Variants in P2RX2 observed in about 807,000 individuals in gnomAD.
The protein encoded by P2RX2 is purinergic receptor P2X 2, also known as P2X purinoceptor 2.
In P2RX2, 50 loss-of-function variants were observed where a neutral mutation model predicts 54.8. The ratio of observed to expected loss-of-function variants is 0.91; its 90% confidence interval spans 0.73 to 1.15. The LOEUF is 1.15. Ranked by LOEUF, P2RX2 falls within the 50% of genes most tolerant of loss-of-function variation. The pLI is 0.00. For missense variants in P2RX2, 658 were observed against 633.2 expected, an observed-to-expected ratio of 1.04 and a Z score of -0.42; for synonymous variants, 289 against 259.4, an observed-to-expected ratio of 1.11 and a Z score of -1.09.
intron 7 of P2RX2, 121 bp from the exon 8 acceptor site, chr12:132,620,880 G>T: frequency 1.3e-6 from 1 of 775,942 alleles, no homozygotes. Context: ...GACTGACCCG[G>T]GCTCTCGAGG....
In P2RX2 at chr12:132,619,454, G is replaced by A. The variant is rs1566290976; in HGVS notation, c.189G>A (p.Val63=). ...LLYFVWYVFI[V]QKSYQESETG... Reference sequence around the variant, plus strand: ...CTGCCCGCAGGTACGTATTCATCGTGCAGAAAAGCTACCAGGAGAGCGAGA... The same window carrying A: ...CTGCCCGCAGGTACGTATTCATCGTACAGAAAAGCTACCAGGAGAGCGAGA... Residue 63 remains valine (V), a synonymous_variant, in exon 2 of 11, where the codon GTG becomes GTA. Coordinates refer to ENST00000643471, the MANE Select transcript of P2RX2 (RefSeq NM_170682.4). 1 of 1,612,300 alleles carries A rather than the reference G, an allele frequency of 6.2e-7. No homozygotes were observed.
Position 132,620,894 on chromosome 12 carries a change from CTCTCGTGTGCCCTTGTG to C in P2RX2, c.775-106_775-90del, listed in dbSNP as rs2138381957. ...GGACTGACCCGGGCTCTCGAGGGGC[CTCTCGTGTGCCCTTGTG>C]ACCCCCTTCCCTGGCCTGGGACTGA... On this transcript the variant is annotated intron_variant, in intron 7 of 10. Transcript: ENST00000643471. The C allele has an allele frequency of 1.2e-5, 8 of 661,486 alleles. 1 individual carries two copies. The highest frequency in any genetic ancestry group is 4.6e-4 in the Middle Eastern group (1 of 2,166). The allele number at this position is 661,486 out of a possible 1,614,324, so 41.0% of individuals were successfully genotyped here.
In P2RX2 at chr12:132,622,065, A is replaced by G. The variant is rs956430557; in HGVS notation, c.*93A>G. On this transcript the variant is annotated 3_prime_UTR_variant, in exon 11 of 11. Coordinates refer to ENST00000643471, the MANE Select transcript of P2RX2 (RefSeq NM_170682.4). ...TGCACGTGGACGTGGGCACCTCAGTAGCGGAGCATCTCCACGAAACGGGGC... is the reference window on the plus strand; with the variant it reads ...TGCACGTGGACGTGGGCACCTCAGTGGCGGAGCATCTCCACGAAACGGGGC... 5.1e-6 allele frequency: 8 copies of G among 1,576,576 alleles called. No homozygotes were observed. In the East Asian group the frequency reaches 1.6e-4, roughly 31 times the overall value.
chr12:132,621,573 CG>C, intron 10 of P2RX2, 33 bp downstream of exon 10: 2 of 1,600,702 alleles, frequency 1.2e-6, no homozygotes, highest in South Asian at 1.1e-5. Context: ...CCAGCGGGTG[CG>C]GGGGGTCCAC....
chr12:132,620,907 TTGTGACCCC>T lies in P2RX2; in HGVS notation c.775-93_775-85del. 5.1e-4 allele frequency: 89 copies of T among 174,746 alleles called. 39 individuals carry two copies. Among genetic ancestry groups the T allele is most frequent in the East Asian group, 4.6e-3 (4 of 872 alleles). The allele number at this position is 174,746 out of a possible 1,614,324, so 10.8% of individuals were successfully genotyped here. A position where few individuals can be genotyped will look rare whatever the true frequency, so the allele number is the denominator to read the frequency against. On this transcript the variant is annotated intron_variant, in intron 7 of 10. Transcript: ENST00000643471. ...CTCTCGAGGGGCCTCTCGTGTGCCC[TTGTGACCCC>T]CTTCCCTGGCCTGGGACTGACCCGG... is the stretch of plus-strand genomic sequence containing the variant.
At chr12:132,621,179 G>A (rs371976818) in intron 8 of P2RX2, 48 bp downstream of exon 8, 3 of 1,613,910 alleles carry the variant, frequency 1.9e-6, no homozygotes, top group Non-Finnish European at 2.5e-6. Flanking sequence ...GCTGTGGTGG[G>A]GTCCCGAGAG....
intron 7 of P2RX2, 104 bp downstream of exon 7, chr12:132,620,687 C>A: frequency 1.6e-6 from 2 of 1,265,926 alleles, no homozygotes; most frequent in Admixed American, 2.3e-5. Context: ...ACCAGCTGGC[C>A]CCGCTCAGGC....
In P2RX2 at chr12:132,619,494, T is replaced by G. The variant is rs1313883312; in HGVS notation, c.229T>G (p.Ser77Ala). ...YQESETGPESSIITKVKGITT... is the reference protein window; with the variant it reads ...YQESETGPESAIITKVKGITT... ...GGAGAGCGAGACGGGCCCCGAGAGC[T>G]CCATCATCACCAAGGTCAAGGGGAT... The change falls in exon 2 of 11, where the codon TCC becomes GCC. Residue 77 changes from serine (S) to alanine (A), a missense_variant. Coordinates refer to ENST00000643471, the MANE Select transcript of P2RX2 (RefSeq NM_170682.4). 2 of 1,612,246 alleles carry G rather than the reference T, an allele frequency of 1.2e-6. No homozygotes were observed. Among genetic ancestry groups the G allele is most frequent in the Admixed American group, 1.7e-5 (1 of 59,966 alleles).
At position 132,619,949 on chromosome 12, in the gene P2RX2, G is replaced by T. The variant is rs567569304; in HGVS notation, c.457+30G>T. The T allele has an allele frequency of 3.1e-5, 48 of 1,569,834 alleles. 1 individual carries two copies. The South Asian group carries it at 5.3e-4, about 17-fold the overall frequency. On this transcript the variant is annotated intron_variant, in intron 4 of 10. Coordinates refer to ENST00000643471, the MANE Select transcript of P2RX2 (RefSeq NM_170682.4). ...GTGTGCGCCAGCTGGGGCTGGGCGG[G>T]TGGGGCAGGGCTGCGTCCCCGCTAA... is the stretch of plus-strand genomic sequence containing the variant.
chr12:132,622,273 C>G lies in P2RX2; in HGVS notation c.*301C>G. On this transcript the variant is annotated 3_prime_UTR_variant, in exon 11 of 11. Coordinates refer to ENST00000643471, the MANE Select transcript of P2RX2 (RefSeq NM_170682.4). Reference sequence around the variant, plus strand: ...AGCTCTGAGGGGCTCTGCTCCCGGTCTTGGGCCCTGGGAACCCCACCCCAC... The same window carrying G: ...AGCTCTGAGGGGCTCTGCTCCCGGTGTTGGGCCCTGGGAACCCCACCCCAC... The G allele has an allele frequency of 7.6e-7, 1 of 1,308,682 alleles. No individual in the cohort carries two copies. The highest frequency in any genetic ancestry group is 9.7e-7 in the Non-Finnish European group (1 of 1,027,340). The allele number at this position is 1,308,682 out of a possible 1,614,324, so 81.1% of individuals were successfully genotyped here.
Position 132,620,067 on chromosome 12 carries a change from G to A in P2RX2, c.525G>A (p.Trp175Ter), listed in dbSNP as rs2041586663. 6.3e-7 allele frequency: 1 copy of A among 1,586,866 alleles called. No individual in the cohort carries two copies. Reference sequence around the variant, plus strand: ...CCAAGACCTGCGAGGTGTTCGGCTGGTGCCCGGTGGAAGATGGGGCCTCTG... The same window carrying A: ...CCAAGACCTGCGAGGTGTTCGGCTGATGCCCGGTGGAAGATGGGGCCTCTG... The part of the protein sequence containing the change: ...GPSKTCEVFG[W>*]CPVEDGASVS... The change falls in exon 5 of 11, where the codon TGG (tryptophan) becomes TGA (stop). Residue 175 changes from tryptophan (W) to a stop codon, truncating the protein, a stop_gained. Coordinates refer to ENST00000643471, the MANE Select transcript of P2RX2 (RefSeq NM_170682.4). LOFTEE classifies it high-confidence loss of function.
At chr12:132,620,689 C>G (rs1042471606) in intron 7 of P2RX2, 106 bp downstream of exon 7, 2 of 1,259,036 alleles carry the variant, frequency 1.6e-6, no homozygotes, top group Non-Finnish European at 2.2e-6. Flanking sequence ...CAGCTGGCCC[C>G]GCTCAGGCAG....
In P2RX2 at chr12:132,620,588, G is replaced by T. The variant is rs1207977441; in HGVS notation, c.774+5G>T. Reference sequence around the variant, plus strand: ...TTCACAGAGCTCGCACACAAGGCAGGGCAAGCGCAGGCAGGGTGGGGCCAG... The same window carrying T: ...TTCACAGAGCTCGCACACAAGGCAGTGCAAGCGCAGGCAGGGTGGGGCCAG... On this transcript the variant is annotated splice_donor_5th_base_variant and intron_variant, in intron 7 of 10. Transcript: ENST00000643471. The T allele has an allele frequency of 6.2e-7, 1 of 1,611,672 alleles. No individual in the cohort carries two copies. The highest frequency in any genetic ancestry group is 1.1e-5 in the South Asian group (1 of 91,070).
chr12:132,622,088 G>A lies in P2RX2; in HGVS notation c.*116G>A. 1 of 1,543,380 alleles carries A rather than the reference G, an allele frequency of 6.5e-7. No individual in the cohort carries two copies. The highest frequency in any genetic ancestry group is 8.7e-7 in the Non-Finnish European group (1 of 1,150,944). ...GTAGCGGAGCATCTCCACGAAACGG[G>A]GCACCACAGGATCCCTGTGCAAGGG... On this transcript the variant is annotated 3_prime_UTR_variant, in exon 11 of 11. Transcript: ENST00000643471.
In P2RX2 at chr12:132,621,552, T is replaced by C; in HGVS notation, c.1062+12T>C. ...CTTCCGTCGGGGTGGTAAGGAACCC[T>C]CTCTGGGGTCCCAGCGGGTGCGGGG... On this transcript the variant is annotated intron_variant, in intron 10 of 10. Coordinates refer to ENST00000643471, the MANE Select transcript of P2RX2 (RefSeq NM_170682.4). 6.3e-7 allele frequency: 1 copy of C among 1,588,758 alleles called. No homozygotes were observed. Among genetic ancestry groups the C allele is most frequent in the South Asian group, 1.1e-5 (1 of 87,524 alleles).
rs1002580420 is a variant in P2RX2, at chr12:132,621,010, A to G, written c.784A>G (p.Ile262Val). The change falls in exon 8 of 11, where the codon ATC becomes GTC. Residue 262 changes from isoleucine (I) to valine (V), a missense_variant. By Grantham distance (29) the Ile-to-Val change is conservative. Coordinates refer to ENST00000643471, the MANE Select transcript of P2RX2 (RefSeq NM_170682.4). ...GGCTCCTTCTTGGCAGGGTGGTGTC[A>G]TCGGGGTCATTATCAACTGGGACTG... ...FTELAHKGGV[I>V]GVIINWDCDL... The G allele has an allele frequency of 5.0e-6, 8 of 1,613,862 alleles. No individual in the cohort carries two copies. Among genetic ancestry groups the G allele is most frequent in the Non-Finnish European group, 6.8e-6 (8 of 1,179,988 alleles).
At position 132,619,488 on chromosome 12, in the gene P2RX2, G is replaced by C; in HGVS notation, c.223G>C (p.Glu75Gln). ...CTACCAGGAGAGCGAGACGGGCCCC[G>C]AGAGCTCCATCATCACCAAGGTCAA... ...KSYQESETGP[E>Q]SSIITKVKGI... is the part of the protein sequence containing the mutation. Residue 75 changes from glutamate to glutamine, a missense_variant, in exon 2 of 11, where the codon GAG becomes CAG. Physicochemically the swap from Glu to Gln is conservative, Grantham distance 29. Transcript: ENST00000643471. The C allele has an allele frequency of 1.2e-6, 2 of 1,612,708 alleles. No homozygotes were observed. The highest frequency in any genetic ancestry group is 2.2e-5 in the South Asian group (2 of 91,072).
At chr12:132,619,152 T>C (rs1488127283) in intron 1 of P2RX2, among the ~76,000 whole-genome samples, 163 bp downstream of exon 1, 1 of 15,802 alleles carries the variant, frequency 6.3e-5, no homozygotes, top group Non-Finnish European at 1.1e-4. Flanking sequence ...GGGCTGGGAT[T>C]GGGGGCGCGG....
At position 132,620,600 on chromosome 12, in the gene P2RX2, C is replaced by A. The variant is rs769032509; in HGVS notation, c.774+17C>A. On this transcript the variant is annotated intron_variant, in intron 7 of 10. Transcript: ENST00000643471. ...GCACACAAGGCAGGGCAAGCGCAGG[C>A]AGGGTGGGGCCAGGGTGGGCTCCCA... 1.9e-6 allele frequency: 3 copies of A among 1,608,484 alleles called. No homozygotes were observed. The African/African-American group carries it at 4.0e-5, about 21-fold the overall frequency.
Sources: gnomAD v4.1 joint callset for allele counts (sites outside exome capture counted in the v4.1 genomes callset) on GRCh38, gnomAD v4.1.1 for gene constraint, MANE v1.5 for transcripts, NCBI Gene and HGNC (gene_info 2026-07-23, HGNC 2026-07-21) for gene names.